The following RUNX2 variants were observed in gnomAD, a reference collection of about 807,000 sequenced individuals.
RUNX2 encodes the protein runt-related transcription factor 2.
A neutral mutation model predicts 51.7 loss-of-function variants in RUNX2; 10 were observed. The ratio of observed to expected loss-of-function variants is 0.19; its 90% CI spans 0.12 to 0.33. The LOEUF (loss-of-function observed/expected upper bound fraction) is 0.33. Among genes scored for constraint, RUNX2 ranks in the 10% least tolerant of loss-of-function variants. The pLI is 1.00. For synonymous variants in RUNX2, 276 were observed against 273.6 expected (o/e 1.01, Z -0.09); for missense variants, 562 against 691.3 (o/e 0.81, Z 2.10).
At chr6:45,384,294 C>A (rs138412886) in intron 2 of RUNX2, among the ~76,000 whole-genome samples, 1 of 150,836 alleles carries the variant, frequency 6.6e-6, no homozygotes, top group Non-Finnish European at 1.5e-5. Context: ...TTGTTTGTTT[C>A]TTTGTTTTTT....
rs1171889596 is a variant in RUNX2, at chr6:45,547,548, G to C, written c.*243G>C. ...GAGCTTCAGATTGTTTACTATTTAA[G>C]ATGTACTTTTACAAAGGAACAAAGA... On this transcript the variant is annotated 3_prime_UTR_variant, in exon 9 of 9. Coordinates refer to ENST00000647337, the MANE Select transcript of RUNX2 (RefSeq NM_001024630.4). 6 of 558,582 alleles carry C rather than the reference G, an allele frequency of 1.1e-5. No individual in the cohort carries two copies. The highest frequency in any genetic ancestry group is 1.9e-5 in the Non-Finnish European group (6 of 312,604). 34.6% of individuals were successfully genotyped at this position (558,582 alleles called of 1,614,324 possible). A position where few individuals can be genotyped will look rare whatever the true frequency, so the allele number is the denominator to read the frequency against.
chr6:45,373,813 A>T (rs1563049412), intron 2 of RUNX2, among the ~76,000 whole-genome samples: 1 of 152,084 alleles, frequency 6.6e-6, no homozygotes, highest in Non-Finnish European at 1.5e-5. Flanking sequence ...TCAGCCTCCC[A>T]AAGTGCTGGG....
chr6:45,425,133 A>G (rs1462137277), intron 3 of RUNX2, among the ~76,000 whole-genome samples: 1 of 152,226 alleles, frequency 6.6e-6, no homozygotes, highest in African/African-American at 2.4e-5. Flanking sequence ...GCACAATGCC[A>G]CAAATCAGAA....
intron 2 of RUNX2, among the ~76,000 whole-genome samples, chr6:45,408,411 T>C (rs1797882479): frequency 6.6e-6 from 1 of 152,108 alleles, no homozygotes; most frequent in South Asian, 2.1e-4. Flanking sequence ...ATTGATTCTC[T>C]TAAACCTGTG....
chr6:45,549,695 C>T lies in RUNX2; in HGVS notation c.*2390C>T. 3.9e-6 allele frequency: 1 copy of T among 255,070 alleles called. No homozygotes were observed. Among genetic ancestry groups the T allele is most frequent in the Non-Finnish European group, 7.4e-6 (1 of 135,944 alleles). 15.8% of individuals were successfully genotyped at this position (255,070 alleles called of 1,614,324 possible). On this transcript the variant is annotated 3_prime_UTR_variant, in exon 9 of 9. Coordinates refer to ENST00000647337, the MANE Select transcript of RUNX2 (RefSeq NM_001024630.4). ...GACATAAAAATGCTACCGCCAGTGC[C>T]AGCTGCATCCTATTTAATTAAAAAG...
intron 2 of RUNX2, among the ~76,000 whole-genome samples, chr6:45,407,679 T>G (rs1017885550): frequency 1.3e-5 from 2 of 151,898 alleles, no homozygotes; most frequent in African/African-American, 4.8e-5. Flanking sequence ...TTTGACTTTT[T>G]GTAGAGACAG....
intron 5 of RUNX2, among the ~76,000 whole-genome samples, chr6:45,485,435 C>T (rs1382175271): frequency 1.3e-5 from 2 of 151,754 alleles, no homozygotes; most frequent in Admixed American, 6.6e-5. Context: ...CTCCCGACCT[C>T]AGGTGATCTG....
chr6:45,547,719 C>T lies in RUNX2; in HGVS notation c.*414C>T, dbSNP rs535722111. On this transcript the variant is annotated 3_prime_UTR_variant, in exon 9 of 9. Coordinates refer to ENST00000647337, the MANE Select transcript of RUNX2 (RefSeq NM_001024630.4). Reference sequence around the variant, plus strand: ...TGTGCTTTGAAACTTCACACCCTCACGGTGGCAGCTGTGTATGGACCAGTG... The same window carrying T: ...TGTGCTTTGAAACTTCACACCCTCATGGTGGCAGCTGTGTATGGACCAGTG... The T allele has an allele frequency of 5.1e-5, 15 of 296,282 alleles. No homozygotes were observed. The highest frequency in any genetic ancestry group is 3.6e-4 in the South Asian group (11 of 30,596). The allele number at this position is 296,282 out of a possible 1,614,324, so 18.4% of individuals were successfully genotyped here.
intron 2 of RUNX2, among the ~76,000 whole-genome samples, chr6:45,373,828 C>T (rs560181224): frequency 6.6e-6 from 1 of 152,316 alleles, no homozygotes; most frequent in Non-Finnish European, 1.5e-5. Context: ...GCTGGGATTA[C>T]AGGTGTGAGC....
At chr6:45,333,729 G>T (rs750143807) in intron 2 of RUNX2, among the ~76,000 whole-genome samples, 1 of 151,034 alleles carries the variant, frequency 6.6e-6, no homozygotes, top group Non-Finnish European at 1.5e-5. Context: ...GCCTTTAAAG[G>T]CTAGTTGCTA....
chr6:45,353,739 A>G (rs1792552012), intron 2 of RUNX2, among the ~76,000 whole-genome samples: 2 of 152,218 alleles, frequency 1.3e-5, no homozygotes, highest in South Asian at 4.1e-4. Context: ...AAGCAATAAG[A>G]TATATAAGAC....
chr6:45,395,505 C>T (rs1233036373), intron 2 of RUNX2, among the ~76,000 whole-genome samples: 1 of 151,982 alleles, frequency 6.6e-6, no homozygotes, highest in Non-Finnish European at 1.5e-5. Context: ...ACAAATTCTT[C>T]CTAAAACATA....
chr6:45,422,771 G>A lies in RUNX2; in HGVS notation c.237G>A (p.Ala79=). The A allele has an allele frequency of 2.7e-6, 4 of 1,480,366 alleles. No individual in the cohort carries two copies. Among genetic ancestry groups the A allele is most frequent in the Non-Finnish European group, 3.6e-6 (4 of 1,120,616 alleles). 91.7% of individuals were successfully genotyped at this position (1,480,366 alleles called of 1,614,324 possible). ...QQQEAAAAAA[A]AAAAAAAAAA... is the part of the protein sequence containing the mutation. ...AGGAGGCGGCGGCGGCGGCTGCGGC[G>A]GCGGCGGCGGCTGCGGCGGCGGCAG... Residue 79 remains alanine, a synonymous_variant, in exon 3 of 9, where the codon GCG becomes GCA. Transcript: ENST00000647337.
intron 6 of RUNX2, among the ~76,000 whole-genome samples, chr6:45,505,831 C>A (rs1468067997): frequency 1.3e-5 from 2 of 152,174 alleles, no homozygotes; most frequent in African/African-American, 2.4e-5. Flanking sequence ...CTTATAAAAT[C>A]GATTCTGACA....
intron 2 of RUNX2, among the ~76,000 whole-genome samples, chr6:45,386,148 A>G (rs1582057832): frequency 6.7e-6 from 1 of 149,498 alleles, no homozygotes; most frequent in Admixed American, 6.7e-5. Context: ...GCTCACTGCA[A>G]CCTCCGCCTC....
At chr6:45,478,038 A>G (rs192219992) in intron 5 of RUNX2, among the ~76,000 whole-genome samples, 162 of 152,028 alleles carry the variant, frequency 1.1e-3, no homozygotes, top group Non-Finnish European at 1.2e-3. Flanking sequence ...TCTGGTTGGA[A>G]TGTTATCTTC....
At chr6:45,397,564 TG>T in intron 2 of RUNX2, among the ~76,000 whole-genome samples, 1 of 152,162 alleles carries the variant, frequency 6.6e-6, no homozygotes, top group South Asian at 2.1e-4. Context: ...GCCATCCCAG[TG>T]GGTGTGAAAT....
At chr6:45,473,213 T>C (rs1187667413) in intron 5 of RUNX2, among the ~76,000 whole-genome samples, 1 of 152,214 alleles carries the variant, frequency 6.6e-6, no homozygotes, top group East Asian at 1.9e-4. Context: ...TGAATGTTGC[T>C]AGAATTTACA....
chr6:45,390,959 G>A (rs1347063889), intron 2 of RUNX2, among the ~76,000 whole-genome samples: 1 of 152,050 alleles, frequency 6.6e-6, no homozygotes, highest in Non-Finnish European at 1.5e-5. Flanking sequence ...TCTTCCCTCT[G>A]ATCAAATCTC....
Sources: allele counts gnomAD v4.1 joint callset (sites outside exome capture counted in the v4.1 genomes callset), GRCh38; gene constraint gnomAD v4.1.1; transcripts MANE v1.5; gene names NCBI Gene and HGNC (gene_info 2026-07-23, HGNC 2026-07-21).